RAP1GAP2: variants seen among roughly 807,000 people sequenced by gnomAD.
RAP1GAP2 encodes RAP1 GTPase activating protein 2.
A neutral mutation model predicts 95.0 loss-of-function variants in RAP1GAP2; 27 were observed. The observed-to-expected ratio is 0.28, with a 90% CI of 0.21 to 0.39. RAP1GAP2 has a LOEUF of 0.39. Ranked by LOEUF, RAP1GAP2 falls within the 10% of genes least tolerant of loss-of-function variation. The probability of loss-of-function intolerance (pLI) is 1.00; values close to 1 mark genes in which losing one functional copy is unlikely to be tolerated. For missense variants in RAP1GAP2, 771 were observed against 970.0 expected (o/e 0.79, Z 2.72); for synonymous variants, 373 against 380.9 (o/e 0.98, Z 0.24).
chr17:2,988,463 A>G (rs1423766799), intron 11 of RAP1GAP2, among the ~76,000 whole-genome samples: 4 of 152,214 alleles, frequency 2.6e-5, no homozygotes, highest in Admixed American at 6.5e-5. Context: ...TGGTATATAA[A>G]TGTAGTCATA....
chr17:2,946,426 A>T (rs12150217), intron 3 of RAP1GAP2, among the ~76,000 whole-genome samples: 2 of 152,060 alleles, frequency 1.3e-5, no homozygotes, highest in Admixed American at 1.3e-4. Context: ...GAGGTTTTTA[A>T]TTACTACGGA....
At chr17:2,936,486 C>T (rs1184773469) in intron 3 of RAP1GAP2, among the ~76,000 whole-genome samples, 1 of 151,832 alleles carries the variant, frequency 6.6e-6, no homozygotes, top group Non-Finnish European at 1.5e-5. Flanking sequence ...CCTCCCTCTT[C>T]CTCTCCTTCC....
In RAP1GAP2 at chr17:3,032,401, G is replaced by T; in HGVS notation, c.2185-10G>T. 1.9e-6 allele frequency: 3 copies of T among 1,613,964 alleles called. No individual in the cohort carries two copies. The highest frequency in any genetic ancestry group is 2.5e-6 in the Non-Finnish European group (3 of 1,179,816). On this transcript the variant is annotated splice_polypyrimidine_tract_variant and intron_variant, in intron 23 of 24. Transcript: ENST00000254695. ...TATTTAAACTCCTGTATGGATTTTTGTTGAAACAGGGTCACTAATGTGAAA... is the reference window on the plus strand; with the variant it reads ...TATTTAAACTCCTGTATGGATTTTTTTTGAAACAGGGTCACTAATGTGAAA...
chr17:2,911,415 G>A (rs1047078201), intron 3 of RAP1GAP2, among the ~76,000 whole-genome samples: 4 of 152,038 alleles, frequency 2.6e-5, no homozygotes, highest in African/African-American at 7.2e-5. Context: ...TGGGAATACC[G>A]TAGGTGGTTT....
chr17:2,876,095 G>A (rs752535018), intron 2 of RAP1GAP2, among the ~76,000 whole-genome samples: 5 of 151,406 alleles, frequency 3.3e-5, no homozygotes, highest in African/African-American at 1.2e-4. Flanking sequence ...CCGCCCCCAC[G>A]CCCGGCTAAT....
In RAP1GAP2 at chr17:2,927,346, G is replaced by A. The variant is rs976289332; in HGVS notation, c.165+21978G>A. 5.3e-5 allele frequency among the ~76,000 whole-genome samples: 8 copies of A among 151,768 alleles called. No individual in the cohort carries two copies. In the South Asian group the frequency reaches 6.2e-4, roughly 12 times the overall value. On this transcript the variant is annotated intron_variant, in intron 3 of 24. Coordinates refer to ENST00000254695, the MANE Select transcript of RAP1GAP2 (RefSeq NM_015085.5). Reference sequence around the variant, plus strand: ...TTTTTTGTATTTTTAGTAGAGACGGGGTTTCACCGTGTTAGCCAGGATGGT... The same window carrying A: ...TTTTTTGTATTTTTAGTAGAGACGGAGTTTCACCGTGTTAGCCAGGATGGT...
chr17:2,768,305 T>A (rs1209537603), intron 1 of RAP1GAP2, among the ~76,000 whole-genome samples: 1 of 152,226 alleles, frequency 6.6e-6, no homozygotes, highest in Non-Finnish European at 1.5e-5. Context: ...TGTTTGTAAT[T>A]ATACATGTAT....
At chr17:2,921,695 C>A (rs1024095225) in intron 3 of RAP1GAP2, among the ~76,000 whole-genome samples, 11 of 109,292 alleles carry the variant, frequency 1.0e-4, no homozygotes, top group African/African-American at 3.6e-4. Context: ...TTAAGGTGTC[C>A]GCAGGGCCGT....
Position 3,032,294 on chromosome 17 carries a change from T to C in RAP1GAP2, c.2185-117T>C, listed in dbSNP as rs571844157. ...AGGTGGGAAGTGCTTGTTCCTGGGG[T>C]CCTGAATCCCTTCCTGAGCTCACCA... On this transcript the variant is annotated intron_variant, in intron 23 of 24. Transcript: ENST00000254695. 4.0e-3 allele frequency: 4,529 copies of C among 1,129,958 alleles called. 124 individuals are homozygous for C. The African/African-American group carries it at 0.057, about 14-fold the overall frequency. The allele number at this position is 1,129,958 out of a possible 1,614,324, so 70.0% of individuals were successfully genotyped here.
intron 14 of RAP1GAP2, among the ~76,000 whole-genome samples, chr17:3,001,879 G>A (rs540567762): frequency 6.6e-6 from 1 of 151,898 alleles, no homozygotes; most frequent in East Asian, 1.9e-4. Flanking sequence ...GCCGAGTGGT[G>A]CACTCATACA....
chr17:3,027,257 T>G lies in RAP1GAP2; in HGVS notation c.2107+187T>G, dbSNP rs916606635. ...TTAAGATGCCCAAGTTCCTAAGCTC[T>G]TCTTACACTGAGAGTTGTGAAGCTG... On this transcript the variant is annotated intron_variant, in intron 22 of 24. Coordinates refer to ENST00000254695, the MANE Select transcript of RAP1GAP2 (RefSeq NM_015085.5). The surrounding 1 kb of genome is among the most constrained non-coding windows in gnomAD (Gnocchi z 5.2). Among the ~76,000 whole-genome samples the G allele has an allele frequency of 1.3e-5, 2 of 152,246 alleles. No individual in the cohort carries two copies. The highest frequency in any genetic ancestry group is 4.8e-5 in the African/African-American group (2 of 41,472).
Position 3,005,458 on chromosome 17 carries a change from C to T in RAP1GAP2, c.1272+18C>T, listed in dbSNP as rs1258656348. The T allele has an allele frequency of 1.9e-6, 3 of 1,604,096 alleles. No individual in the cohort carries two copies. The highest frequency in any genetic ancestry group is 1.7e-5 in the Admixed American group (1 of 60,016). Reference sequence around the variant, plus strand: ...TCCAGAAGGTAGGACACTCTTCCTTCTGCCCCTCTCGCATCCACGATGCCA... The same window carrying T: ...TCCAGAAGGTAGGACACTCTTCCTTTTGCCCCTCTCGCATCCACGATGCCA... On this transcript the variant is annotated intron_variant, in intron 15 of 24. Coordinates refer to ENST00000254695, the MANE Select transcript of RAP1GAP2 (RefSeq NM_015085.5). This position sits in a 1 kb window ranked among gnomAD's most constrained non-coding sequence, Gnocchi z 5.2.
chr17:2,949,662 G>A (rs924173330), intron 3 of RAP1GAP2, among the ~76,000 whole-genome samples: 2 of 102,690 alleles, frequency 1.9e-5, no homozygotes, highest in African/African-American at 3.1e-5. Context: ...TTAACTGAGT[G>A]CCTTCTGTGT....
At chr17:2,872,204 CCT>C in intron 2 of RAP1GAP2, among the ~76,000 whole-genome samples, 1 of 95,344 alleles carries the variant, frequency 1.0e-5, no homozygotes, top group African/African-American at 3.5e-5. Context: ...ACAGAATGAG[CCT>C]CTGTCTCAAA....
At chr17:2,981,301 G>T (rs1429943687) in intron 10 of RAP1GAP2, 53 bp downstream of exon 10, 14 of 1,510,198 alleles carry the variant, frequency 9.3e-6, no homozygotes, top group African/African-American at 1.4e-5. Flanking sequence ...GCAAGGATTT[G>T]CAGACCTGTG....
intron 2 of RAP1GAP2, among the ~76,000 whole-genome samples, chr17:2,896,902 C>G (rs998281723): frequency 6.6e-6 from 1 of 152,202 alleles, no homozygotes; most frequent in Non-Finnish European, 1.5e-5. Context: ...CAGGGTGTAG[C>G]CTGCAGCAGA....
In RAP1GAP2 at chr17:3,004,664, C is replaced by T. The variant is rs770654984; in HGVS notation, c.1201-705C>T. Reference sequence around the variant, plus strand: ...CAGGGTGCCAGAGGTGCGCGCCCCACCCTCAGTTCCTAGCCTGGGCCTAGG... The same window carrying T: ...CAGGGTGCCAGAGGTGCGCGCCCCATCCTCAGTTCCTAGCCTGGGCCTAGG... On this transcript the variant is annotated intron_variant, in intron 14 of 24. Transcript: ENST00000254695. The surrounding 1 kb of genome is among the most constrained non-coding windows in gnomAD (Gnocchi z 4.1). Among the ~76,000 whole-genome samples, 5 of 152,246 alleles carry T rather than the reference C, an allele frequency of 3.3e-5. No homozygotes were observed. Among genetic ancestry groups the T allele is most frequent in the South Asian group, 2.1e-4 (1 of 4,836 alleles).
chr17:2,763,567 G>A (rs1345251200), intron 1 of RAP1GAP2, among the ~76,000 whole-genome samples: 1 of 151,948 alleles, frequency 6.6e-6, no homozygotes, highest in African/African-American at 2.4e-5. Context: ...GTGGTGGCGG[G>A]TGCCTGTAAT....
At chr17:2,828,010 C>T (rs758586329) in intron 2 of RAP1GAP2, among the ~76,000 whole-genome samples, 8 of 152,076 alleles carry the variant, frequency 5.3e-5, no homozygotes, top group Non-Finnish European at 1.2e-4. Flanking sequence ...TGAGATGAGC[C>T]GAGCACTTGA....
Sources: gnomAD v4.1 joint callset for allele counts (sites outside exome capture counted in the v4.1 genomes callset) on GRCh38, gnomAD v4.1.1 for gene constraint, Gnocchi (gnomAD v3.1) non-coding constraint, MANE v1.5 for transcripts, NCBI Gene and HGNC (gene_info 2026-07-23, HGNC 2026-07-21) for gene names.